Variants in PRKACA observed in about 807,000 individuals in gnomAD.
The protein encoded by PRKACA is protein kinase cAMP-activated catalytic subunit alpha, also known as cAMP-dependent protein kinase catalytic subunit alpha.
Under a neutral mutation model 45.8 loss-of-function variants are expected in PRKACA, and 9 were observed. The ratio of observed to expected loss-of-function variants is 0.20; its 90% confidence interval spans 0.12 to 0.34. The LOEUF (loss-of-function observed/expected upper bound fraction) is 0.34. Ranked by LOEUF, PRKACA falls within the 10% of genes least tolerant of loss-of-function variation. The pLI, the probability that PRKACA is intolerant of heterozygous loss-of-function variation, is 1.00. For missense variants in PRKACA, 238 were observed against 458.6 expected (o/e 0.52, Z 4.39); for synonymous variants, 160 against 178.6 (o/e 0.90, Z 0.83).
Position 14,106,893 on chromosome 19 carries a change from G to A in PRKACA, c.109-5C>T. 6.2e-7 allele frequency: 1 copy of A among 1,614,116 alleles called. No individual in the cohort carries two copies. The highest frequency in any genetic ancestry group is 1.1e-5 in the South Asian group (1 of 91,078). On this transcript the variant is annotated splice_polypyrimidine_tract_variant and splice_region_variant and intron_variant, in intron 2 of 9. Transcript: ENST00000308677. Reference sequence around the variant, plus strand: ...CTGATCCAAGTGGGCTGTGTTCTGTGGGCAGAGGGGTCGGTAGGCTCAGGG... The same window carrying A: ...CTGATCCAAGTGGGCTGTGTTCTGTAGGCAGAGGGGTCGGTAGGCTCAGGG...
chr19:14,104,153 T>C (rs1443615537), intron 3 of PRKACA, among the ~76,000 whole-genome samples: 50 of 134,784 alleles, frequency 3.7e-4, no homozygotes, highest in East Asian at 2.8e-3. Flanking sequence ...CTGGCTAACA[T>C]GGTGAAACCC....
chr19:14,107,505 G>A (rs923808377), intron 1 of PRKACA, 96 bp from the exon 2 acceptor site: 16 of 1,446,160 alleles, frequency 1.1e-5, no homozygotes, highest in African/African-American at 1.4e-5. Flanking sequence ...AAAGTGGGGT[G>A]CAGTTCCAAC....
At chr19:14,109,045 A>G (rs1044498359) in intron 1 of PRKACA, among the ~76,000 whole-genome samples, 2 of 148,762 alleles carry the variant, frequency 1.3e-5, no homozygotes, top group Admixed American at 6.7e-5. Flanking sequence ...TTCTAAATTG[A>G]GGTATAAAAT....
Position 14,097,133 on chromosome 19 carries a change from G to T in PRKACA, c.765+228C>A. ...GGCCAAGATGTTCCCGTGAGGCTCG[G>T]GATTTTGGAAGCCCATGGGATTCTG... On this transcript the variant is annotated intron_variant, in intron 8 of 9. Coordinates refer to ENST00000308677, the MANE Select transcript of PRKACA (RefSeq NM_002730.4). This position sits in a 1 kb window ranked among gnomAD's most constrained non-coding sequence, Gnocchi z 5.4. 1 of 601,404 alleles carries T rather than the reference G, an allele frequency of 1.7e-6. No homozygotes were observed. The highest frequency in any genetic ancestry group is 1.9e-5 in the South Asian group (1 of 51,646). The allele number at this position is 601,404 out of a possible 1,614,324, so 37.3% of individuals were successfully genotyped here.
At position 14,098,488 on chromosome 19, in the gene PRKACA, A is replaced by ATTTTT. The variant is rs1173795542; in HGVS notation, c.420-603_420-599dup. On this transcript the variant is annotated intron_variant, in intron 5 of 9. Transcript: ENST00000308677. The stretch of plus-strand genomic sequence containing the variant: ...TGTGTGTGTGTATATATATATATAT[A>ATTTTT]TTTTTTTTTGATTAATTTATTTTTT... 3.8e-3 allele frequency: 554 copies of ATTTTT among 146,938 alleles called. 2 individuals are homozygous for ATTTTT. Among genetic ancestry groups the ATTTTT allele is most frequent in the African/African-American group, 0.013 (523 of 38,772 alleles). 9.1% of individuals were successfully genotyped at this position (146,938 alleles called of 1,614,324 possible). A position where few individuals can be genotyped will look rare whatever the true frequency, so the allele number is the denominator to read the frequency against.
intron 1 of PRKACA, among the ~76,000 whole-genome samples, chr19:14,109,889 G>A (rs1599348389): frequency 8.1e-6 from 1 of 123,966 alleles, no homozygotes; most frequent in Non-Finnish European, 1.6e-5. Context: ...AGTGAGCTGA[G>A]ATCATGCCAC....
chr19:14,093,862 C>G, intron 8 of PRKACA, 70 bp from the exon 9 acceptor site: 1 of 1,470,196 alleles, frequency 6.8e-7, no homozygotes, highest in Non-Finnish European at 9.2e-7. Context: ...ATGCTTCTTT[C>G]TCCATCCAAC....
intron 3 of PRKACA, among the ~76,000 whole-genome samples, chr19:14,103,783 C>T (rs913152918): frequency 3.9e-5 from 6 of 152,188 alleles, no homozygotes; most frequent in Admixed American, 3.3e-4. Context: ...AAACTGACAC[C>T]AGCTGGGCAT....
At chr19:14,103,918 C>A (rs899426652) in intron 3 of PRKACA, among the ~76,000 whole-genome samples, 19 of 151,856 alleles carry the variant, frequency 1.3e-4, no homozygotes, top group African/African-American at 4.4e-4. Context: ...ACAACAAGGA[C>A]AACAAAAGCA....
chr19:14,109,997 T>TATATACACACACACACAC (rs1966918991), intron 1 of PRKACA, among the ~76,000 whole-genome samples: 2 of 71,764 alleles, frequency 2.8e-5, no homozygotes, highest in African/African-American at 1.5e-4. Flanking sequence ...TATATATATA[T>TATATACACACACACACAC]ATACACACAC....
chr19:14,111,351 C>T (rs1466373746), intron 1 of PRKACA, among the ~76,000 whole-genome samples: 2 of 151,578 alleles, frequency 1.3e-5, no homozygotes, highest in Non-Finnish European at 2.9e-5. Context: ...GGGCTCAGAT[C>T]GCGCCATTGC....
chr19:14,093,160 G>T lies in PRKACA; in HGVS notation c.1008C>A (p.Ile336=), dbSNP rs1977140384. 6.2e-7 allele frequency: 1 copy of T among 1,613,540 alleles called. No homozygotes were observed. Among genetic ancestry groups the T allele is most frequent in the African/African-American group, 1.3e-5 (1 of 74,778 alleles). Residue 336 remains isoleucine (I), a synonymous_variant, in exon 10 of 10, where the codon ATC becomes ATA. Coordinates refer to ENST00000308677, the MANE Select transcript of PRKACA (RefSeq NM_002730.4). ...SNFDDYEEEE[I]RVSINEKCGK... ...CACACTTCTCATTGATGGAGACCCGGATTTCTTCTTCCTCATAGTCGTCAA... is the reference window on the plus strand; with the variant it reads ...CACACTTCTCATTGATGGAGACCCGTATTTCTTCTTCCTCATAGTCGTCAA...
chr19:14,095,821 CTTT>C (rs1190260838), intron 8 of PRKACA, among the ~76,000 whole-genome samples: 1 of 150,908 alleles, frequency 6.6e-6, no homozygotes, highest in Non-Finnish European at 1.5e-5. Flanking sequence ...TGGCCTTCAT[CTTT>C]CTCTTTTAGT....
At chr19:14,117,478 CG>C in intron 1 of PRKACA, 23 bp downstream of exon 1, 2 of 1,256,378 alleles carry the variant, frequency 1.6e-6, no homozygotes. Flanking sequence ...GGGCCAAGAT[CG>C]GGGTCACAGC....
Position 14,097,486 on chromosome 19 carries a change from G to A in PRKACA, c.643-3C>T. 6.2e-7 allele frequency: 1 copy of A among 1,614,068 alleles called. No homozygotes were observed. The highest frequency in any genetic ancestry group is 8.5e-7 in the Non-Finnish European group (1 of 1,180,026). ...CAGTCCACGGCCTTGTTGTAGCCCT[G>A]GAGCAAGATGGGGGGGCACAGGGTG... On this transcript the variant is annotated splice_region_variant and splice_polypyrimidine_tract_variant and intron_variant, in intron 7 of 9. Transcript: ENST00000308677. This position sits in a 1 kb window ranked among gnomAD's most constrained non-coding sequence, Gnocchi z 5.4.
At chr19:14,105,169 T>C (rs1195092058) in intron 3 of PRKACA, among the ~76,000 whole-genome samples, 1 of 152,166 alleles carries the variant, frequency 6.6e-6, no homozygotes, top group Non-Finnish European at 1.5e-5. Flanking sequence ...TATTTTCACA[T>C]TGATAATATA....
At chr19:14,114,034 C>T (rs1967046626) in intron 1 of PRKACA, 1 of 1,367,708 alleles carries the variant, frequency 7.3e-7, no homozygotes, top group African/African-American at 1.4e-5. Context: ...TCACATCCTT[C>T]TTCTCTTCGC....
intron 3 of PRKACA, 56 bp downstream of exon 3, chr19:14,106,704 C>A: frequency 6.2e-7 from 1 of 1,609,884 alleles, no homozygotes. Flanking sequence ...AAGGAGTGGG[C>A]ACAGTCCAGG....
chr19:14,117,452 C>A, intron 1 of PRKACA, 50 bp downstream of exon 1: 1 of 1,257,568 alleles, frequency 8.0e-7, no homozygotes, highest in Non-Finnish European at 1.0e-6. Flanking sequence ...TGGACAAGGC[C>A]AGGGCTGGCA....
Sources: gnomAD v4.1 joint callset for allele counts (sites outside exome capture counted in the v4.1 genomes callset) on GRCh38, gnomAD v4.1.1 for gene constraint, Gnocchi (gnomAD v3.1) non-coding constraint, MANE v1.5 for transcripts, NCBI Gene and HGNC (gene_info 2026-07-23, HGNC 2026-07-21) for gene names.